The following PRRC2B variants were observed in gnomAD, a reference collection of about 807,000 sequenced individuals.
PRRC2B encodes the protein protein PRRC2B.
PRRC2B carries 68 observed loss-of-function variants against 242.3 expected under a neutral mutation model. The ratio of observed to expected loss-of-function variants is 0.28; its 90% confidence interval spans 0.23 to 0.34. PRRC2B has a LOEUF of 0.34. PRRC2B is among the 10% of genes least tolerant of loss of function. The pLI, the probability that PRRC2B is intolerant of heterozygous loss-of-function variation, is 1.00. For missense variants in PRRC2B, 2,835 were observed against 2,954.8 expected, an observed-to-expected ratio of 0.96 and a Z score of 0.94; for synonymous variants, 1,228 against 1,173.6, an observed-to-expected ratio of 1.05 and a Z score of -0.95.
At chr9:131,438,073 T>C (rs978604715) in intron 4 of PRRC2B, among the ~76,000 whole-genome samples, 2 of 152,216 alleles carry the variant, frequency 1.3e-5, no homozygotes, top group African/African-American at 2.4e-5. Context: ...TTCTCTCATA[T>C]GTGAGGGGCA....
intron 1 of PRRC2B, among the ~76,000 whole-genome samples, chr9:131,405,358 C>G (rs1050036350): frequency 2.0e-5 from 3 of 152,228 alleles, no homozygotes; most frequent in Admixed American, 6.5e-5. Flanking sequence ...CTGTTATACA[C>G]TGGAGCCTGG....
chr9:131,488,102 G>GA lies in PRRC2B; in HGVS notation c.6225+8dup, dbSNP rs1564302150. 6.2e-7 allele frequency: 1 copy of GA among 1,611,134 alleles called. No individual in the cohort carries two copies. The highest frequency in any genetic ancestry group is 1.7e-5 in the Admixed American group (1 of 59,926). On this transcript the variant is annotated splice_region_variant and intron_variant, in intron 28 of 31. Transcript: ENST00000683519. ...TGGACTCCCAGCTCCCACAGGTCAGGAATTCAGTCACTCTACCCAAAGCCC... is the reference window on the plus strand; with the variant it reads ...TGGACTCCCAGCTCCCACAGGTCAGGAAATTCAGTCACTCTACCCAAAGCCC...
chr9:131,448,004 T>G, intron 9 of PRRC2B, 200 bp downstream of exon 9: 1 of 452,924 alleles, frequency 2.2e-6, no homozygotes, highest in Admixed American at 3.8e-5. Flanking sequence ...AGCCATTAGC[T>G]TCTTTTGGTC....
At chr9:131,451,224 C>T (rs1157443568) in intron 9 of PRRC2B, among the ~76,000 whole-genome samples, 1 of 151,976 alleles carries the variant, frequency 6.6e-6, no homozygotes, top group East Asian at 1.9e-4. Context: ...ATGGTGAAAC[C>T]CCGTCTCTGC....
chr9:131,415,843 A>G (rs897024310), intron 1 of PRRC2B, among the ~76,000 whole-genome samples: 1 of 152,006 alleles, frequency 6.6e-6, no homozygotes, highest in Non-Finnish European at 1.5e-5. Context: ...TTCTTTTTAT[A>G]TCCATTGTTC....
intron 11 of PRRC2B, among the ~76,000 whole-genome samples, chr9:131,463,692 G>C (rs1018205180): frequency 7.2e-6 from 1 of 138,862 alleles, no homozygotes; most frequent in South Asian, 2.3e-4. Context: ...GCAGTGATGT[G>C]ATCTCAGCTC....
At chr9:131,488,829 CTG>C (rs1427910903) in intron 28 of PRRC2B, among the ~76,000 whole-genome samples, 2 of 152,232 alleles carry the variant, frequency 1.3e-5, no homozygotes, top group African/African-American at 4.8e-5. Context: ...CCAGTGTCTG[CTG>C]AGAAATCTTC....
At chr9:131,490,631 C>T (rs760931210) in intron 28 of PRRC2B, 4 of 518,306 alleles carry the variant, frequency 7.7e-6, no homozygotes, top group African/African-American at 1.9e-5. Flanking sequence ...GTCTCTGGGC[C>T]CACATCCCCA....
intron 5 of PRRC2B, among the ~76,000 whole-genome samples, chr9:131,442,863 A>C (rs554942865): frequency 1.3e-5 from 2 of 152,316 alleles, no homozygotes; most frequent in South Asian, 4.1e-4. Flanking sequence ...TTTTCTGTGT[A>C]AGGGAACAAC....
At chr9:131,464,222 G>A (rs1943327489) in intron 11 of PRRC2B, among the ~76,000 whole-genome samples, 2 of 152,234 alleles carry the variant, frequency 1.3e-5, no homozygotes, top group Non-Finnish European at 2.9e-5. Flanking sequence ...GATTACAGGC[G>A]TGAGCCACTG....
At position 131,475,173 on chromosome 9, in the gene PRRC2B, G is replaced by A. The variant is rs368144846; in HGVS notation, c.3044G>A (p.Arg1015His). Residue 1015 changes from arginine (R) to histidine (H), a missense_variant, in exon 16 of 32, where the codon CGC becomes CAC. By Grantham distance (29) the Arg-to-His change is conservative. This residue lies in a region of PRRC2B where 1,536 missense variants were observed against 1,483.1 expected (regional missense o/e 1.04). Coordinates refer to ENST00000683519, the MANE Select transcript of PRRC2B (RefSeq NM_013318.4). The stretch of plus-strand genomic sequence containing the variant: ...GGCCCTGGCCATGCCACTTTTGGCC[G>A]CGAGGCCACCAAATTTGAAGAGGAG... ...DKGPGHATFG[R>H]EATKFEEEEK... is the part of the protein sequence containing the mutation. 2.5e-5 allele frequency: 41 copies of A among 1,613,174 alleles called. No homozygotes were observed. The highest frequency in any genetic ancestry group is 7.7e-5 in the South Asian group (7 of 90,986).
At chr9:131,386,992 C>CTCTTTCTT (rs1055341940) in intron 1 of PRRC2B, among the ~76,000 whole-genome samples, 14 of 149,466 alleles carry the variant, frequency 9.4e-5, no homozygotes, top group African/African-American at 3.4e-4. Flanking sequence ...TTAGGCCTGT[C>CTCTTTCTT]TCTTTCTTTC....
chr9:131,470,720 G>A (rs1943518864), intron 13 of PRRC2B, 68 bp from the exon 14 acceptor site: 13 of 1,314,046 alleles, frequency 9.9e-6, no homozygotes, highest in Middle Eastern at 2.6e-4. Flanking sequence ...CTGGAAGGGC[G>A]TGTGTTGGGT....
At chr9:131,420,498 T>TTCTTTTCTTTCTTTCTTTTCTTTCTTTC (rs1564278665) in intron 1 of PRRC2B, among the ~76,000 whole-genome samples, 1 of 90,744 alleles carries the variant, frequency 1.1e-5, no homozygotes, top group Non-Finnish European at 2.3e-5. Context: ...TCTTTCTTTT[T>TTCTTTTCTTTCTTTCTTTTCTTTCTTTC]TTTTTTTTTT....
chr9:131,476,284 G>C lies in PRRC2B; in HGVS notation c.4155G>C (p.Glu1385Asp). 6.3e-7 allele frequency: 1 copy of C among 1,583,362 alleles called. No homozygotes were observed. The highest frequency in any genetic ancestry group is 1.1e-5 in the South Asian group (1 of 87,598). The change falls in exon 16 of 32, where the codon GAG becomes GAC. Residue 1385 changes from glutamate to aspartate, a missense_variant. Physicochemically the swap from Glu to Asp is conservative, Grantham distance 45 (BLOSUM62 2). Transcript: ENST00000683519. Reference protein sequence around the residue: ...ETASESSDFSERRERREGPGS... With the variant: ...ETASESSDFSDRRERREGPGS... ...CCTCCGAAAGCAGCGACTTCAGCGA[G>C]CGGCGGGAGCGGCGGGAAGGCCCTG...
rs34113422 is a variant in PRRC2B, at chr9:131,379,624, A to ATTT, written c.-56+5909_-56+5911dup. Among the ~76,000 whole-genome samples the ATTT allele has an allele frequency of 1.2e-4, 15 of 128,002 alleles. 1 individual carries two copies. Among genetic ancestry groups the ATTT allele is most frequent in the Admixed American group, 1.7e-4 (2 of 11,842 alleles). The allele number at this position is 128,002 out of a possible 152,430, so 84.0% of individuals were successfully genotyped here. On this transcript the variant is annotated intron_variant, in intron 1 of 1. Transcript: ENST00000682525. ...AAATACCTATTCAAGTCCTTGGTCC[A>ATTT]TTTTTTTTTTTTTTTTTTGGAGATG...
rs1943687224 is a variant in PRRC2B at position 131,476,087 on chromosome 9, C to T, written c.3958C>T (p.Arg1320Trp). 4 of 1,608,294 alleles carry T rather than the reference C, an allele frequency of 2.5e-6. No individual in the cohort carries two copies. The highest frequency in any genetic ancestry group is 1.3e-5 in the African/African-American group (1 of 74,832). ...TCGATTCCGGCGCCTCCGGCAAGAG[C>T]GGGAGTCCCTGGGCCTGTGGGGACC... Reference protein sequence around the residue: ...PPRFRRLRQERESLGLWGPEE... With the variant: ...PPRFRRLRQEWESLGLWGPEE... Residue 1320 changes from arginine to tryptophan, a missense_variant, in exon 16 of 32, where the codon CGG (arginine) becomes TGG (tryptophan). Physicochemically the swap from Arg to Trp is moderately radical, Grantham distance 101. Around this residue, in one of 7 missense-constraint regions of PRRC2B, gnomAD observed 1,536 missense variants for 1,483.1 expected, o/e 1.04. Transcript: ENST00000683519.
intron 1 of PRRC2B, among the ~76,000 whole-genome samples, chr9:131,413,531 A>G (rs146317977): frequency 3.3e-5 from 5 of 152,350 alleles, no homozygotes; most frequent in Non-Finnish European, 7.3e-5. Context: ...ATGCACCAAC[A>G]CACCCAGCTA....
chr9:131,454,124 T>A (rs987501727), intron 9 of PRRC2B, among the ~76,000 whole-genome samples: 4 of 152,238 alleles, frequency 2.6e-5, no homozygotes, highest in African/African-American at 9.6e-5. Flanking sequence ...GGAATCAATA[T>A]GTGGCCTTTC....
Sources: allele counts gnomAD v4.1 joint callset (sites outside exome capture counted in the v4.1 genomes callset), GRCh38; gene constraint gnomAD v4.1.1; regional missense constraint gnomAD v4.1.1; transcripts MANE v1.5; gene names NCBI Gene and HGNC (gene_info 2026-07-23, HGNC 2026-07-21).